The following MRPL14 variants were observed in gnomAD, a reference collection of about 807,000 sequenced individuals.
MRPL14 encodes mitochondrial ribosomal protein L14.
Under a neutral mutation model 10.9 loss-of-function variants are expected in MRPL14, and 8 were observed. That is an observed-to-expected ratio of 0.74 (90% confidence interval 0.43 to 1.33). The LOEUF (loss-of-function observed/expected upper bound fraction) is 1.33. Among genes scored for constraint, MRPL14 ranks in the 40% most tolerant of loss-of-function variants. The pLI is 0.01. For synonymous variants in MRPL14, 82 were observed against 74.1 expected, an observed-to-expected ratio of 1.11 and a Z score of -0.54; for missense variants, 179 against 194.5, an observed-to-expected ratio of 0.92 and a Z score of 0.47.
chr6:44,123,950 G>C (rs1776691316), intron 1 of MRPL14, among the ~76,000 whole-genome samples: 1 of 151,178 alleles, frequency 6.6e-6, no homozygotes, highest in East Asian at 2.0e-4. Context: ...GTGTAGATTT[G>C]TATATTTTAT....
rs561729551 is a variant in MRPL14 at position 44,125,490 on chromosome 6, T to C, written c.-19+1854A>G. 1.6e-4 allele frequency among the ~76,000 whole-genome samples: 24 copies of C among 151,448 alleles called. 1 individual carries two copies. The South Asian group carries it at 3.5e-3, about 22-fold the overall frequency. On this transcript the variant is annotated intron_variant, in intron 1 of 2. Coordinates refer to ENST00000372014, the MANE Select transcript of MRPL14 (RefSeq NM_032111.4). ...GGGCAACATGGTGAAACCCTATCTC[T>C]ACTAAAAATACAAAAATTAGCCAGG...
chr6:44,124,681 T>C (rs1582727336), intron 1 of MRPL14, among the ~76,000 whole-genome samples: 3 of 152,352 alleles, frequency 2.0e-5, no homozygotes, highest in African/African-American at 7.2e-5. Context: ...GGTAAGCTAC[T>C]TTACTATGAC....
Position 44,116,533 on chromosome 6 carries a change from A to G in MRPL14, c.71+8T>C. On this transcript the variant is annotated splice_region_variant and intron_variant, in intron 2 of 2. Transcript: ENST00000372014. ...ACACAGTTTTAAGAACTTAATGGGA[A>G]AAGTTACCTGAAACAGTGATGGCTC... 1 of 1,614,050 alleles carries G rather than the reference A, an allele frequency of 6.2e-7. No individual in the cohort carries two copies. Among genetic ancestry groups the G allele is most frequent in the Non-Finnish European group, 8.5e-7 (1 of 1,179,886 alleles).
chr6:44,117,821 C>T (rs759502998), intron 1 of MRPL14, among the ~76,000 whole-genome samples: 31 of 149,116 alleles, frequency 2.1e-4, no homozygotes, highest in Admixed American at 5.4e-4. Context: ...TGCACCAGGA[C>T]GCCTGGCTAA....
At chr6:44,122,676 A>G (rs1390848956) in intron 1 of MRPL14, among the ~76,000 whole-genome samples, 1 of 152,012 alleles carries the variant, frequency 6.6e-6, no homozygotes, top group Non-Finnish European at 1.5e-5. Flanking sequence ...ATCACAAATG[A>G]GCCTTTAAAG....
intron 1 of MRPL14, 158 bp downstream of exon 1, chr6:44,127,186 A>ACCCCCCCCTCCCCGTCGGGAC (rs1777238655): frequency 3.6e-5 from 4 of 111,494 alleles, no homozygotes; most frequent in Admixed American, 2.4e-4. Flanking sequence ...CCCCGTCGGG[A>ACCCCCCCCTCCCCGTCGGGAC]CCCCCCCCTC....
At chr6:44,120,002 G>A (rs181624702) in intron 1 of MRPL14, among the ~76,000 whole-genome samples, 1 of 152,110 alleles carries the variant, frequency 6.6e-6, no homozygotes, top group Non-Finnish European at 1.5e-5. Context: ...GAACTTTCTT[G>A]ACTCAGGTAT....
Position 44,125,799 on chromosome 6 carries a change from A to C in MRPL14, c.-19+1545T>G, listed in dbSNP as rs368816239. 2.4e-4 allele frequency among the ~76,000 whole-genome samples: 36 copies of C among 152,294 alleles called. No homozygotes were observed. In the East Asian group the frequency reaches 6.7e-3, roughly 29 times the overall value. On this transcript the variant is annotated intron_variant, in intron 1 of 2. Transcript: ENST00000372014. ...AAAGTGAATTTTATTGTTCCACACAAGCAACAGATTACACCAATTTCACAA... is the reference window on the plus strand; with the variant it reads ...AAAGTGAATTTTATTGTTCCACACACGCAACAGATTACACCAATTTCACAA...
At chr6:44,126,237 CGTGT>C (rs1358174386) in intron 1 of MRPL14, among the ~76,000 whole-genome samples, 1 of 152,222 alleles carries the variant, frequency 6.6e-6, no homozygotes, top group Non-Finnish European at 1.5e-5. Flanking sequence ...TACACTCACA[CGTGT>C]GTGTACACCT....
Position 44,114,082 on chromosome 6 carries a change from C to T in MRPL14, c.199G>A (p.Gly67Ser). The change falls in exon 3 of 3, where the codon GGC becomes AGC. Residue 67 changes from glycine (G) to serine (S), a missense_variant. Transcript: ENST00000372014. ...CIHVYKKNGV[G>S]KVGDQILLAI... ...AGTAGTATCTGGTCGCCCACCTTGC[C>T]CACTCCATTCTTCTTATAGACATGG... The T allele has an allele frequency of 6.2e-7, 1 of 1,614,186 alleles. No homozygotes were observed. The highest frequency in any genetic ancestry group is 1.1e-5 in the South Asian group (1 of 91,080).
chr6:44,122,143 C>G (rs954566437), intron 1 of MRPL14, among the ~76,000 whole-genome samples: 1 of 151,354 alleles, frequency 6.6e-6, no homozygotes, highest in Admixed American at 6.6e-5. Context: ...AGTACAGTGA[C>G]GCCATCTCAG....
chr6:44,126,771 T>C lies in MRPL14; in HGVS notation c.-19+573A>G, dbSNP rs1015108735. 4.6e-5 allele frequency: 7 copies of C among 151,942 alleles called. No individual in the cohort carries two copies. In the South Asian group the frequency reaches 8.3e-4, roughly 18 times the overall value. 9.4% of individuals were successfully genotyped at this position (151,942 alleles called of 1,614,324 possible). On this transcript the variant is annotated intron_variant, in intron 1 of 2. Coordinates refer to ENST00000372014, the MANE Select transcript of MRPL14 (RefSeq NM_032111.4). The stretch of plus-strand genomic sequence containing the variant: ...TTGTGTGGGTGATATATAGAAAGAG[T>C]CTCAGTCTCTCCCTTCATCTTTCCA...
Position 44,116,500 on chromosome 6 carries a change from A to C in MRPL14, c.71+41T>G, listed in dbSNP as rs1391964918. The C allele has an allele frequency of 1.9e-6, 3 of 1,591,974 alleles. No homozygotes were observed. The Admixed American group carries it at 5.0e-5, about 27-fold the overall frequency. ...AATACCCAGCCCTGATAGGAAGCTT[A>C]CACAAAGACACAGTTTTAAGAACTT... is the stretch of plus-strand genomic sequence containing the variant. On this transcript the variant is annotated intron_variant, in intron 2 of 2. Transcript: ENST00000372014.
chr6:44,122,570 C>T (rs1462920428), intron 1 of MRPL14, among the ~76,000 whole-genome samples: 2 of 152,152 alleles, frequency 1.3e-5, no homozygotes, highest in Admixed American at 6.5e-5. Context: ...TCTTTAGGTG[C>T]CTGGCCGGTT....
intron 1 of MRPL14, among the ~76,000 whole-genome samples, chr6:44,118,958 C>G (rs1582719737): frequency 6.6e-6 from 1 of 152,058 alleles, no homozygotes. Flanking sequence ...GGGCAAAACT[C>G]CGTCTCAAAA....
intron 1 of MRPL14, among the ~76,000 whole-genome samples, chr6:44,118,246 A>G (rs376651389): frequency 1.8e-4 from 26 of 145,332 alleles, no homozygotes; most frequent in African/African-American, 6.1e-4. Flanking sequence ...TTGGTTTACC[A>G]TCTGTAACAC....
intron 2 of MRPL14, among the ~76,000 whole-genome samples, chr6:44,115,621 A>C (rs1031321103): frequency 5.3e-5 from 8 of 151,454 alleles, no homozygotes; most frequent in African/African-American, 1.7e-4. Context: ...TCACTTTGCC[A>C]ACAAAGAGCT....
intron 1 of MRPL14, among the ~76,000 whole-genome samples, chr6:44,124,875 A>AC (rs535874194): frequency 2.4e-4 from 37 of 151,976 alleles, no homozygotes; most frequent in African/African-American, 7.0e-4. Flanking sequence ...GCTTTTCGAG[A>AC]CCCCCCCTAC....
Position 44,114,077 on chromosome 6 carries a change from C to T in MRPL14, c.204G>A (p.Lys68=). Residue 68 remains lysine (K), a synonymous_variant, in exon 3 of 3, where the codon AAG becomes AAA. Transcript: ENST00000372014. ...TGGCCAGTAGTATCTGGTCGCCCAC[C>T]TTGCCCACTCCATTCTTCTTATAGA... is the stretch of plus-strand genomic sequence containing the variant. ...IHVYKKNGVG[K]VGDQILLAIK... is the part of the protein sequence containing the mutation. The T allele has an allele frequency of 1.2e-6, 2 of 1,614,214 alleles. No individual in the cohort carries two copies. Among genetic ancestry groups the T allele is most frequent in the Non-Finnish European group, 1.7e-6 (2 of 1,180,034 alleles).
Sources: allele counts gnomAD v4.1 joint callset (sites outside exome capture counted in the v4.1 genomes callset), GRCh38; gene constraint gnomAD v4.1.1; transcripts MANE v1.5; gene names NCBI Gene and HGNC (gene_info 2026-07-23, HGNC 2026-07-21).